The following CBLB variants were observed in gnomAD, a reference collection of about 807,000 sequenced individuals.
CBLB encodes the protein E3 ubiquitin-protein ligase CBL-B.
Under a neutral mutation model 104.9 loss-of-function variants are expected in CBLB, and 31 were observed. The observed-to-expected ratio is 0.30, with a 90% CI of 0.22 to 0.40. The LOEUF is 0.40. Among genes scored for constraint, CBLB ranks in the 10% least tolerant of loss-of-function variants. CBLB has a pLI of 1.00. For synonymous variants in CBLB, 440 were observed against 422.6 expected (o/e 1.04, Z -0.51); for missense variants, 1,062 against 1,214.6 (o/e 0.87, Z 1.87).
Position 105,659,245 on chromosome 3 carries a change from A to C in CBLB, c.2690-16T>G. 2 of 1,612,080 alleles carry C rather than the reference A, an allele frequency of 1.2e-6. No homozygotes were observed. Among genetic ancestry groups the C allele is most frequent in the South Asian group, 2.2e-5 (2 of 91,004 alleles). On this transcript the variant is annotated splice_polypyrimidine_tract_variant and intron_variant, in intron 18 of 18. Coordinates refer to ENST00000394030, the MANE Select transcript of CBLB (RefSeq NM_170662.5). ...TGTGAACCATCTGTGTAGATTTTTA[A>C]AGAGAGATACTATTTAAACAGTGAA...
chr3:105,841,577 C>T (rs1419799561), intron 3 of CBLB, among the ~76,000 whole-genome samples: 3 of 151,782 alleles, frequency 2.0e-5, no homozygotes, highest in Admixed American at 6.6e-5. Context: ...CTCAGCCTCC[C>T]GAGTAGCTGG....
At chr3:105,733,173 T>G (rs1281099867) in intron 9 of CBLB, among the ~76,000 whole-genome samples, 2 of 151,888 alleles carry the variant, frequency 1.3e-5, no homozygotes, top group African/African-American at 4.8e-5. Context: ...CTGGCTAACA[T>G]GGTGAAACCC....
chr3:105,665,441 A>G (rs2064318653), intron 18 of CBLB, among the ~76,000 whole-genome samples: 1 of 70,370 alleles, frequency 1.4e-5, no homozygotes, highest in Non-Finnish European at 3.4e-5. Flanking sequence ...ATATATATAT[A>G]TACACACACA....
chr3:105,831,646 G>C (rs1293627753), intron 3 of CBLB, among the ~76,000 whole-genome samples: 1 of 152,176 alleles, frequency 6.6e-6, no homozygotes, highest in Admixed American at 6.5e-5. Flanking sequence ...TAAATCATCA[G>C]AAAATATTCA....
chr3:105,662,733 A>C (rs1028515849), intron 18 of CBLB, among the ~76,000 whole-genome samples: 11 of 152,196 alleles, frequency 7.2e-5, no homozygotes, highest in African/African-American at 1.7e-4. Context: ...TCTTTTACCT[A>C]ATGTCCCAGC....
intron 3 of CBLB, among the ~76,000 whole-genome samples, chr3:105,817,703 A>G (rs2085264574): frequency 1.3e-5 from 2 of 152,184 alleles, no homozygotes; most frequent in Non-Finnish European, 2.9e-5. Flanking sequence ...AACTGAAGGC[A>G]TTAGTTGTAA....
At chr3:105,827,742 T>C (rs1428422952) in intron 3 of CBLB, among the ~76,000 whole-genome samples, 5 of 152,184 alleles carry the variant, frequency 3.3e-5, no homozygotes, top group African/African-American at 9.7e-5. Context: ...GGGTCATACA[T>C]CTAACAGTTA....
chr3:105,681,321 C>T (rs544702469), intron 16 of CBLB, 158 bp downstream of exon 16: 4 of 673,072 alleles, frequency 5.9e-6, no homozygotes, highest in East Asian at 2.7e-5. Flanking sequence ...GTAATGGTCT[C>T]GTGAACTTGG....
intron 3 of CBLB, among the ~76,000 whole-genome samples, chr3:105,779,401 T>A (rs951731803): frequency 1.3e-5 from 2 of 152,226 alleles, no homozygotes; most frequent in African/African-American, 4.8e-5. Flanking sequence ...ACAATTTTAT[T>A]TGGCTTTTGC....
intron 3 of CBLB, among the ~76,000 whole-genome samples, chr3:105,838,934 G>C (rs991889015): frequency 6.6e-6 from 1 of 152,088 alleles, no homozygotes; most frequent in Non-Finnish European, 1.5e-5. Flanking sequence ...TAAGTGACTC[G>C]AGACTGGAAG....
intron 4 of CBLB, among the ~76,000 whole-genome samples, chr3:105,770,945 T>A (rs184563758): frequency 5.3e-5 from 8 of 152,272 alleles, no homozygotes; most frequent in Non-Finnish European, 1.0e-4. Context: ...CAAGATAGAT[T>A]CACAACTGAA....
upstream of CBLB, chr3:105,869,320 G>A (rs1027465609): frequency 1.0e-5 from 13 of 1,241,766 alleles, no homozygotes; most frequent in Non-Finnish European, 1.4e-5. Context: ...AGGGATGCAA[G>A]GCACGAAGGA....
At chr3:105,732,909 C>T (rs1435030349) in intron 9 of CBLB, among the ~76,000 whole-genome samples, 1 of 152,138 alleles carries the variant, frequency 6.6e-6, no homozygotes, top group East Asian at 1.9e-4. Flanking sequence ...TAATTATTTG[C>T]TTTCTAAACC....
At chr3:105,818,846 A>G (rs1365852296) in intron 3 of CBLB, among the ~76,000 whole-genome samples, 3 of 152,116 alleles carry the variant, frequency 2.0e-5, no homozygotes, top group Non-Finnish European at 2.9e-5. Context: ...TTAGTAATTT[A>G]TGAATATAGG....
intron 2 of CBLB, among the ~76,000 whole-genome samples, chr3:105,866,894 C>CA (rs35961485): frequency 1.3e-5 from 2 of 152,014 alleles, no homozygotes; most frequent in Non-Finnish European, 2.9e-5. Flanking sequence ...CCATTAACAA[C>CA]AAAAAAAGTT....
chr3:105,690,079 A>G (rs1046365450), intron 13 of CBLB, among the ~76,000 whole-genome samples: 1 of 152,236 alleles, frequency 6.6e-6, no homozygotes, highest in Non-Finnish European at 1.5e-5. Flanking sequence ...AGTAAACAAT[A>G]TCAAATATTT....
intron 18 of CBLB, among the ~76,000 whole-genome samples, chr3:105,664,647 T>C (rs977504222): frequency 2.6e-5 from 4 of 152,158 alleles, no homozygotes; most frequent in Non-Finnish European, 4.4e-5. Context: ...CAAAATAGTC[T>C]CAGATCTCCT....
intron 3 of CBLB, among the ~76,000 whole-genome samples, chr3:105,806,534 G>A (rs1227116495): frequency 6.7e-6 from 1 of 149,438 alleles, no homozygotes; most frequent in Non-Finnish European, 1.5e-5. Context: ...ACAGCAAGTG[G>A]ATATTCTTTT....
chr3:105,675,884 CAAAAA>C (rs71111383), intron 17 of CBLB, among the ~76,000 whole-genome samples: 1 of 81,916 alleles, frequency 1.2e-5, no homozygotes, highest in Non-Finnish European at 2.2e-5. Context: ...GACCCTGTCT[CAAAAA>C]AAAAAAAAAA....
Sources: allele counts gnomAD v4.1 joint callset (sites outside exome capture counted in the v4.1 genomes callset), GRCh38; gene constraint gnomAD v4.1.1; transcripts MANE v1.5; gene names NCBI Gene and HGNC (gene_info 2026-07-23, HGNC 2026-07-21).